NCAM2: variants seen among roughly 807,000 people sequenced by gnomAD.
The protein encoded by NCAM2 is N-CAM-2.
A neutral mutation model predicts 98.1 loss-of-function variants in NCAM2; 30 were observed. The observed-to-expected ratio is 0.31, with a 90% CI of 0.23 to 0.41. The LOEUF is 0.41. NCAM2 is among the 10% of genes least tolerant of loss of function. The probability of loss-of-function intolerance (pLI) is 1.00; values close to 1 mark genes in which losing one functional copy is unlikely to be tolerated. For missense variants in NCAM2, 867 were observed against 1,005.8 expected, an observed-to-expected ratio of 0.86 and a Z score of 1.87; for synonymous variants, 368 against 342.4, an observed-to-expected ratio of 1.07 and a Z score of -0.83.
chr21:21,412,380 G>A (rs943172276), intron 10 of NCAM2, among the ~76,000 whole-genome samples: 6 of 152,148 alleles, frequency 3.9e-5, no homozygotes, highest in African/African-American at 1.4e-4. Flanking sequence ...GGAATTTAGG[G>A]TTTCAGTATA....
intron 1 of NCAM2, among the ~76,000 whole-genome samples, chr21:21,086,875 A>G (rs949276064): frequency 1.1e-4 from 16 of 149,998 alleles, no homozygotes; most frequent in East Asian, 4.0e-4. Flanking sequence ...AATCTTCACA[A>G]TTTTATTCAG....
intron 1 of NCAM2, among the ~76,000 whole-genome samples, chr21:21,082,990 G>T (rs1265713750): frequency 6.6e-6 from 1 of 152,168 alleles, no homozygotes; most frequent in Non-Finnish European, 1.5e-5. Flanking sequence ...TCTACTGTTT[G>T]CTCCTTGAGC....
intron 1 of NCAM2, among the ~76,000 whole-genome samples, chr21:21,028,110 G>A (rs756929829): frequency 2.6e-5 from 4 of 152,066 alleles, no homozygotes; most frequent in African/African-American, 9.7e-5. Context: ...TGATCTGCCC[G>A]CCTCGGCCTC....
chr21:21,218,517 C>A (rs181884792), intron 1 of NCAM2, among the ~76,000 whole-genome samples: 1 of 152,082 alleles, frequency 6.6e-6, no homozygotes, highest in Non-Finnish European at 1.5e-5. Context: ...AAGTGTTAAT[C>A]GGCTGGTCTT....
intron 1 of NCAM2, among the ~76,000 whole-genome samples, chr21:21,067,488 T>C (rs1254336991): frequency 2.0e-5 from 3 of 152,170 alleles, no homozygotes; most frequent in Non-Finnish European, 4.4e-5. Flanking sequence ...CATATGAATG[T>C]GCATTTTCCA....
rs1568940802 is a variant in NCAM2 at position 21,026,754 on chromosome 21, TTC to T, written c.55+28139_55+28140del. ...TGTGCACTTCTGTGGCATTTGTTTT[TTC>T]TCATTTTGTGGAGAAAATATCTATA... is the stretch of plus-strand genomic sequence containing the variant. On this transcript the variant is annotated intron_variant, in intron 1 of 17. Transcript: ENST00000400546. 4.6e-3 allele frequency among the ~76,000 whole-genome samples: 694 copies of T among 152,274 alleles called. 8 individuals are homozygous for T. Among genetic ancestry groups the T allele is most frequent in the African/African-American group, 0.015 (641 of 41,546 alleles).
At chr21:21,247,764 T>A (rs144516757) in intron 1 of NCAM2, among the ~76,000 whole-genome samples, 9 of 152,344 alleles carry the variant, frequency 5.9e-5, no homozygotes, top group Non-Finnish European at 7.4e-5. Context: ...ATACTTTTTA[T>A]GATTTTATCA....
At chr21:21,309,975 T>C (rs900826849) in intron 5 of NCAM2, among the ~76,000 whole-genome samples, 6 of 152,208 alleles carry the variant, frequency 3.9e-5, no homozygotes, top group African/African-American at 1.4e-4. Flanking sequence ...TGGGTATACG[T>C]TTCTGCATCT....
chr21:21,034,696 A>G (rs2064762221), intron 1 of NCAM2, among the ~76,000 whole-genome samples: 1 of 152,200 alleles, frequency 6.6e-6, no homozygotes, highest in Admixed American at 6.5e-5. Context: ...CTGAAAAACA[A>G]TGGATAGGGC....
intron 5 of NCAM2, among the ~76,000 whole-genome samples, chr21:21,323,030 G>T (rs2074418521): frequency 6.6e-6 from 1 of 152,054 alleles, no homozygotes; most frequent in Non-Finnish European, 1.5e-5. Flanking sequence ...ATCCATGAAA[G>T]AATTCATTTC....
intron 1 of NCAM2, among the ~76,000 whole-genome samples, chr21:21,229,656 T>A (rs1381672221): frequency 6.6e-6 from 1 of 151,442 alleles, no homozygotes; most frequent in African/African-American, 2.4e-5. Context: ...AAGTGCTTAT[T>A]TCATTATCTC....
At chr21:21,516,987 G>A (rs1010805610) in intron 16 of NCAM2, among the ~76,000 whole-genome samples, 7 of 152,004 alleles carry the variant, frequency 4.6e-5, no homozygotes, top group East Asian at 1.9e-4. Flanking sequence ...AAATGTCTGC[G>A]TCTGGTCCTT....
At chr21:21,504,731 G>A (rs971625984) in intron 15 of NCAM2, among the ~76,000 whole-genome samples, 2 of 151,494 alleles carry the variant, frequency 1.3e-5, no homozygotes, top group African/African-American at 4.8e-5. Flanking sequence ...TATATAATAT[G>A]TATATACATA....
At chr21:21,394,723 G>A (rs897039748) in intron 9 of NCAM2, among the ~76,000 whole-genome samples, 2 of 151,568 alleles carry the variant, frequency 1.3e-5, no homozygotes, top group African/African-American at 4.8e-5. Flanking sequence ...TCCTGACCTC[G>A]TGATCCTCCT....
At chr21:21,412,521 C>T (rs2076908259) in intron 10 of NCAM2, among the ~76,000 whole-genome samples, 1 of 152,102 alleles carries the variant, frequency 6.6e-6, no homozygotes, top group Non-Finnish European at 1.5e-5. Context: ...TCAGCCAACT[C>T]ATAATTCTCT....
intron 9 of NCAM2, among the ~76,000 whole-genome samples, chr21:21,382,737 G>A (rs2076185205): frequency 6.6e-6 from 1 of 151,796 alleles, no homozygotes; most frequent in South Asian, 2.1e-4. Context: ...TCGCCATGTT[G>A]GCCAAGCTGG....
At chr21:21,534,512 G>A in intron 16 of NCAM2, 25 bp from the exon 17 acceptor site, 1 of 1,533,406 alleles carries the variant, frequency 6.5e-7, no homozygotes, top group Non-Finnish European at 8.8e-7. Context: ...TTACACAGGT[G>A]AGATGTTTCT....
chr21:21,335,102 A>G (rs1194506125), intron 6 of NCAM2, among the ~76,000 whole-genome samples: 1 of 152,102 alleles, frequency 6.6e-6, no homozygotes, highest in East Asian at 1.9e-4. Context: ...ATTATTTTAA[A>G]TGTGTCCCAA....
At chr21:21,518,196 G>A (rs991320456) in intron 16 of NCAM2, among the ~76,000 whole-genome samples, 1 of 151,994 alleles carries the variant, frequency 6.6e-6, no homozygotes, top group Non-Finnish European at 1.5e-5. Flanking sequence ...ACATCACCAA[G>A]CCTTTTTCAA....
Sources: gnomAD v4.1 joint callset for allele counts (sites outside exome capture counted in the v4.1 genomes callset) on GRCh38, gnomAD v4.1.1 for gene constraint, MANE v1.5 for transcripts, NCBI Gene and HGNC (gene_info 2026-07-23, HGNC 2026-07-21) for gene names.